GRM5: variants seen among roughly 807,000 people sequenced by gnomAD.
GRM5 encodes the protein metabotropic glutamate receptor 5.
A neutral mutation model predicts 83.1 loss-of-function variants in GRM5; 19 were observed. The observed-to-expected ratio is 0.23, with a 90% CI of 0.16 to 0.34. The LOEUF (loss-of-function observed/expected upper bound fraction) is 0.34, where lower values mean the gene tolerates loss of function less well. Ranked by LOEUF, GRM5 falls within the 10% of genes least tolerant of loss-of-function variation. The probability of loss-of-function intolerance (pLI) is 1.00; values close to 1 mark genes in which losing one functional copy is unlikely to be tolerated. For missense variants in GRM5, 1,160 were observed against 1,588.3 expected (o/e 0.73, Z 4.58); for synonymous variants, 675 against 633.6 (o/e 1.07, Z -0.98).
chr11:88,640,807 G>A (rs1369291535), intron 4 of GRM5, among the ~76,000 whole-genome samples: 8 of 152,244 alleles, frequency 5.3e-5, no homozygotes, highest in South Asian at 2.1e-4. Flanking sequence ...GAGCTTCCAC[G>A]CTCTCCCTGG....
intron 4 of GRM5, among the ~76,000 whole-genome samples, chr11:88,625,165 A>G (rs1034596072): frequency 2.0e-5 from 3 of 152,166 alleles, no homozygotes; most frequent in Non-Finnish European, 4.4e-5. Context: ...GCAGCTCTAC[A>G]GGGAACAGGT....
chr11:89,054,735 A>G (rs1289238346), intron 1 of GRM5, among the ~76,000 whole-genome samples: 1 of 152,164 alleles, frequency 6.6e-6, no homozygotes, highest in Non-Finnish European at 1.5e-5. Context: ...GAAGCAGTAA[A>G]ATGTGAAGTA....
intron 3 of GRM5, among the ~76,000 whole-genome samples, chr11:88,789,293 G>A (rs943440797): frequency 2.0e-5 from 3 of 152,038 alleles, no homozygotes; most frequent in Admixed American, 6.6e-5. Flanking sequence ...AGGAAATTGT[G>A]GGTGATGAGA....
intron 8 of GRM5, among the ~76,000 whole-genome samples, chr11:88,559,369 C>T (rs1565338490): frequency 6.6e-6 from 1 of 152,146 alleles, no homozygotes; most frequent in Admixed American, 6.5e-5. Context: ...AGGAACACAG[C>T]TTAAAGGTTA....
At chr11:88,826,564 A>G (rs10831499) in intron 3 of GRM5, among the ~76,000 whole-genome samples, 25,332 of 152,040 alleles carry the variant, frequency 0.17, 3,503 homozygotes, top group African/African-American at 0.36. Flanking sequence ...AATGGGTATT[A>G]GGTAACTGAT....
intron 8 of GRM5, among the ~76,000 whole-genome samples, chr11:88,531,558 G>A (rs1942008029): frequency 1.3e-5 from 2 of 152,154 alleles, no homozygotes; most frequent in Admixed American, 1.3e-4. Context: ...AGATGCAAAT[G>A]CTGTTGTGAG....
At chr11:88,974,374 GAGAT>G (rs71046273) in intron 2 of GRM5, among the ~76,000 whole-genome samples, 27,039 of 147,684 alleles carry the variant, frequency 0.18, 2,673 homozygotes, top group South Asian at 0.38. Context: ...CCTGGCAATA[GAGAT>G]AGATAGATAG....
At chr11:88,922,384 T>C (rs1357130746) in intron 2 of GRM5, among the ~76,000 whole-genome samples, 1 of 152,060 alleles carries the variant, frequency 6.6e-6, no homozygotes, top group Admixed American at 6.6e-5. Context: ...AACAGACACA[T>C]AGACCAATGT....
chr11:88,961,544 C>G (rs1938784372), intron 2 of GRM5, among the ~76,000 whole-genome samples: 1 of 152,110 alleles, frequency 6.6e-6, no homozygotes, highest in African/African-American at 2.4e-5. Flanking sequence ...TGCTACTTAT[C>G]CATTTTTCCT....
At chr11:89,039,279 AT>A (rs199688144) in intron 2 of GRM5, among the ~76,000 whole-genome samples, 2,005 of 108,764 alleles carry the variant, frequency 0.018, 44 homozygotes, top group African/African-American at 0.05. Flanking sequence ...TAAAAAAAAA[AT>A]ATATATATAT....
At chr11:88,881,399 CTG>C (rs1412086309) in intron 2 of GRM5, among the ~76,000 whole-genome samples, 7 of 148,366 alleles carry the variant, frequency 4.7e-5, no homozygotes, top group African/African-American at 1.7e-4. Flanking sequence ...GATTTAATAA[CTG>C]TAGAAAGTTA....
intron 3 of GRM5, among the ~76,000 whole-genome samples, chr11:88,682,531 C>T (rs1048955309): frequency 1.3e-5 from 2 of 152,072 alleles, no homozygotes; most frequent in Non-Finnish European, 2.9e-5. Flanking sequence ...CAACTATCAC[C>T]AGAATATCAG....
intron 8 of GRM5, among the ~76,000 whole-genome samples, chr11:88,545,665 A>G (rs1565332978): frequency 6.6e-6 from 1 of 152,054 alleles, no homozygotes; most frequent in Non-Finnish European, 1.5e-5. Flanking sequence ...GCAACATTCA[A>G]TCAGTTATTA....
chr11:88,604,753 C>A lies in GRM5; in HGVS notation c.1359G>T (p.Thr453=), dbSNP rs369401136. 6.2e-7 allele frequency: 1 copy of A among 1,611,750 alleles called. No individual in the cohort carries two copies. The highest frequency in any genetic ancestry group is 8.5e-7 in the Non-Finnish European group (1 of 1,177,892). The change falls in exon 5 of 10, where the codon ACG becomes ACT. Residue 453 remains threonine, a synonymous_variant. Coordinates refer to ENST00000305447, the MANE Select transcript of GRM5 (RefSeq NM_001143831.3). ...KTNFTGVSGD[T]ILFDENGDSP... The stretch of plus-strand genomic sequence containing the variant: ...AGTCTCCATTCTCATCGAATAGGAT[C>A]GTATCTCCAGAAACCCCAGTAAAAT...
intron 3 of GRM5, among the ~76,000 whole-genome samples, chr11:88,680,780 C>G (rs1176407747): frequency 6.6e-6 from 1 of 152,186 alleles, no homozygotes; most frequent in Admixed American, 6.5e-5. Context: ...ATCCCACCTT[C>G]TATTACATCA....
At chr11:88,569,575 C>T (rs955870835) in intron 7 of GRM5, among the ~76,000 whole-genome samples, 1 of 152,148 alleles carries the variant, frequency 6.6e-6, no homozygotes, top group Non-Finnish European at 1.5e-5. Context: ...TAACCTTTTT[C>T]CCTTCTTTAC....
chr11:88,512,124 G>T (rs1013924294), intron 9 of GRM5: 2 of 153,790 alleles, frequency 1.3e-5, no homozygotes, highest in Non-Finnish European at 2.9e-5. Flanking sequence ...ATCACCTGTA[G>T]CCATGCCCCA....
intron 2 of GRM5, among the ~76,000 whole-genome samples, chr11:88,956,886 C>T (rs1938634269): frequency 6.6e-6 from 1 of 152,168 alleles, no homozygotes; most frequent in African/African-American, 2.4e-5. Context: ...GAGCCTATTT[C>T]TTCATCTGTA....
At chr11:88,977,294 G>A (rs1322421838) in intron 2 of GRM5, among the ~76,000 whole-genome samples, 2 of 151,872 alleles carry the variant, frequency 1.3e-5, no homozygotes, top group Non-Finnish European at 2.9e-5. Flanking sequence ...CTCACTGCAA[G>A]CTCCGATTCC....
Sources: allele counts gnomAD v4.1 joint callset (sites outside exome capture counted in the v4.1 genomes callset), GRCh38; gene constraint gnomAD v4.1.1; transcripts MANE v1.5; gene names NCBI Gene and HGNC (gene_info 2026-07-23, HGNC 2026-07-21).